KAZN: variants seen among roughly 807,000 people sequenced by gnomAD.
The protein encoded by KAZN is kazrin.
Under a neutral mutation model 87.4 loss-of-function variants are expected in KAZN, and 40 were observed. That is an observed-to-expected ratio of 0.46 (90% confidence interval 0.36 to 0.60). The LOEUF is 0.60. Ranked by LOEUF, KAZN falls within the 20% of genes least tolerant of loss-of-function variation. The probability of loss-of-function intolerance (pLI) is 0.00; values close to 1 mark genes in which losing one functional copy is unlikely to be tolerated. For synonymous variants in KAZN, 466 were observed against 458.3 expected, an observed-to-expected ratio of 1.02 and a Z score of -0.22; for missense variants, 898 against 1,073.9, an observed-to-expected ratio of 0.84 and a Z score of 2.29.
intron 2 of KAZN, among the ~76,000 whole-genome samples, chr1:15,005,474 T>C (rs1240692943): frequency 6.6e-6 from 1 of 152,100 alleles, no homozygotes; most frequent in African/African-American, 2.4e-5. Flanking sequence ...TTTGTTTTGT[T>C]TTTCTGAGTT....
intron 1 of KAZN, among the ~76,000 whole-genome samples, chr1:14,808,199 A>G (rs1053884545): frequency 6.6e-6 from 1 of 151,848 alleles, no homozygotes; most frequent in Non-Finnish European, 1.5e-5. Context: ...TATGTTCTAG[A>G]CCATGTGACT....
In KAZN at chr1:15,116,836, G is replaced by A. The variant is rs957767399; in HGVS notation, c.*2201G>A. 6.6e-6 allele frequency: 1 copy of A among 152,248 alleles called. No homozygotes were observed. Among genetic ancestry groups the A allele is most frequent in the Non-Finnish European group, 1.5e-5 (1 of 68,058 alleles). 9.4% of individuals were successfully genotyped at this position (152,248 alleles called of 1,614,324 possible). ...GCACTTACATGGTTCGATCTTGCTGGAGACAAGTGGACAATTGGGGGTCAC... is the reference window on the plus strand; with the variant it reads ...GCACTTACATGGTTCGATCTTGCTGAAGACAAGTGGACAATTGGGGGTCAC... On this transcript the variant is annotated 3_prime_UTR_variant, in exon 15 of 15. Coordinates refer to ENST00000376030, the MANE Select transcript of KAZN (RefSeq NM_201628.3).
intron 1 of KAZN, among the ~76,000 whole-genome samples, chr1:14,848,869 G>A (rs1298018698): frequency 1.3e-5 from 2 of 152,192 alleles, no homozygotes; most frequent in African/African-American, 4.8e-5. Flanking sequence ...GCGTGTCCTG[G>A]GAGCGCCTTG....
intron 1 of KAZN, among the ~76,000 whole-genome samples, chr1:13,897,501 G>A (rs1639089330): frequency 2.0e-5 from 3 of 152,074 alleles, no homozygotes; most frequent in African/African-American, 7.2e-5. Flanking sequence ...TGTATGTAGG[G>A]GTTGCTTCAG....
chr1:15,105,561 GTTT>G (rs60152207), intron 13 of KAZN, among the ~76,000 whole-genome samples: 1 of 143,500 alleles, frequency 7.0e-6, no homozygotes, highest in Non-Finnish European at 1.5e-5. Context: ...TTTGAGTTTT[GTTT>G]TTTTTTTTAA....
At chr1:15,086,132 G>A (rs10927671) in intron 8 of KAZN, among the ~76,000 whole-genome samples, 11,703 of 152,064 alleles carry the variant, frequency 0.077, 488 homozygotes, top group East Asian at 0.16. Context: ...GACCACGCCC[G>A]GCTAATTTTG....
At chr1:14,703,122 A>G (rs1642021205) in intron 1 of KAZN, among the ~76,000 whole-genome samples, 1 of 152,220 alleles carries the variant, frequency 6.6e-6, no homozygotes, top group African/African-American at 2.4e-5. Flanking sequence ...GAATTCAGGT[A>G]TATATTGGGT....
chr1:15,054,584 G>A (rs1307269518), intron 4 of KAZN, among the ~76,000 whole-genome samples: 2 of 151,750 alleles, frequency 1.3e-5, no homozygotes, highest in African/African-American at 4.8e-5. Context: ...CATGGGAGGT[G>A]GAGGTTGCAG....
chr1:14,423,700 C>T (rs941090823), intron 2 of KAZN, among the ~76,000 whole-genome samples: 2 of 152,186 alleles, frequency 1.3e-5, no homozygotes, highest in African/African-American at 4.8e-5. Flanking sequence ...CCAATTCCTC[C>T]CTGATTTTCA....
At chr1:14,516,233 A>G (rs973119529) in intron 2 of KAZN, among the ~76,000 whole-genome samples, 2 of 152,236 alleles carry the variant, frequency 1.3e-5, no homozygotes, top group Non-Finnish European at 2.9e-5. Context: ...CTCTGATGTC[A>G]TTCCCTGCTC....
intron 2 of KAZN, among the ~76,000 whole-genome samples, chr1:14,454,287 A>G (rs1484956727): frequency 6.6e-6 from 1 of 152,198 alleles, no homozygotes; most frequent in Non-Finnish European, 1.5e-5. Context: ...AAAAATGAGG[A>G]TCTGATTTAC....
chr1:14,332,602 C>T (rs1255184276), intron 2 of KAZN, among the ~76,000 whole-genome samples: 1 of 151,844 alleles, frequency 6.6e-6, no homozygotes, highest in Non-Finnish European at 1.5e-5. Context: ...ATAATTCCTT[C>T]CCAGTTATGT....
intron 1 of KAZN, among the ~76,000 whole-genome samples, chr1:14,018,785 G>T (rs930372324): frequency 3.9e-5 from 6 of 152,142 alleles, no homozygotes; most frequent in Admixed American, 2.6e-4. Flanking sequence ...TGGACTGCAG[G>T]ACTTACACCA....
At chr1:14,418,530 A>G (rs535483546) in intron 2 of KAZN, among the ~76,000 whole-genome samples, 1 of 151,494 alleles carries the variant, frequency 6.6e-6, no homozygotes, top group African/African-American at 2.5e-5. Flanking sequence ...TGCAAGGAAA[A>G]GAATATTGAA....
chr1:14,979,861 C>A (rs960902600), intron 2 of KAZN, among the ~76,000 whole-genome samples: 1 of 152,098 alleles, frequency 6.6e-6, no homozygotes, highest in East Asian at 1.9e-4. Context: ...GAGTTTAGAA[C>A]GGTAAGTACC....
Position 15,099,974 on chromosome 1 carries a change from G to A in KAZN, c.1548-1569G>A, listed in dbSNP as rs1429858351. Among the ~76,000 whole-genome samples, 2 of 152,154 alleles carry A rather than the reference G, an allele frequency of 1.3e-5. No individual in the cohort carries two copies. The highest frequency in any genetic ancestry group is 2.9e-5 in the Non-Finnish European group (2 of 68,034). On this transcript the variant is annotated intron_variant, in intron 10 of 14. Transcript: ENST00000376030. The surrounding 1 kb of genome is among the most constrained non-coding windows in gnomAD (Gnocchi z 5.4). ...GAAGGGCCCCTGGGTGACGGTGACAGTGACAGTGAAGGGGAACAACTGAGC... is the reference window on the plus strand; with the variant it reads ...GAAGGGCCCCTGGGTGACGGTGACAATGACAGTGAAGGGGAACAACTGAGC...
chr1:14,492,867 G>A (rs754858775), intron 2 of KAZN, among the ~76,000 whole-genome samples: 8 of 149,936 alleles, frequency 5.3e-5, no homozygotes, highest in African/African-American at 9.8e-5. Context: ...GTGTGAGCAC[G>A]CACAGCACAC....
chr1:14,896,569 G>A (rs564531832), intron 1 of KAZN, among the ~76,000 whole-genome samples: 66 of 152,312 alleles, frequency 4.3e-4, no homozygotes, highest in African/African-American at 1.6e-3. Flanking sequence ...CTGTCCTTAT[G>A]ACTCATCAGT....
rs374517336 is a variant in KAZN, at chr1:14,976,791, C to T, written c.418+15916C>T. Among the ~76,000 whole-genome samples the T allele has an allele frequency of 1.1e-3, 164 of 152,276 alleles. 3 individuals carry two copies. The South Asian group carries it at 0.027, about 25-fold the overall frequency. On this transcript the variant is annotated intron_variant, in intron 2 of 14. Transcript: ENST00000376030. Reference sequence around the variant, plus strand: ...GCTCTAGGCAGGGCGCGGTGGCTCACGCCTGTAATCTCAGCACTTTGGGAG... The same window carrying T: ...GCTCTAGGCAGGGCGCGGTGGCTCATGCCTGTAATCTCAGCACTTTGGGAG...
Sources: gnomAD v4.1 joint callset for allele counts (sites outside exome capture counted in the v4.1 genomes callset) on GRCh38, gnomAD v4.1.1 for gene constraint, Gnocchi (gnomAD v3.1) non-coding constraint, MANE v1.5 for transcripts, NCBI Gene and HGNC (gene_info 2026-07-23, HGNC 2026-07-21) for gene names.